Variants in SEL1L3 observed in about 807,000 individuals in gnomAD.
The protein encoded by SEL1L3 is protein sel-1 homolog 3.
In SEL1L3, 76 loss-of-function variants were observed where a neutral mutation model predicts 142.8. The observed-to-expected ratio is 0.53, with a 90% CI of 0.44 to 0.64. The LOEUF (loss-of-function observed/expected upper bound fraction) is 0.64, where lower values mean the gene tolerates loss of function less well. Ranked by LOEUF, SEL1L3 falls within the 30% of genes least tolerant of loss-of-function variation. The probability of loss-of-function intolerance (pLI) is 0.00; values close to 1 mark genes in which losing one functional copy is unlikely to be tolerated. For synonymous variants in SEL1L3, 504 were observed against 519.6 expected (o/e 0.97, Z 0.41); for missense variants, 1,262 against 1,381.7 (o/e 0.91, Z 1.37).
At chr4:25,809,787 A>G (rs1439555406) in intron 9 of SEL1L3, among the ~76,000 whole-genome samples, 1 of 152,232 alleles carries the variant, frequency 6.6e-6, no homozygotes, top group Non-Finnish European at 1.5e-5. Flanking sequence ...GGTAATAAAG[A>G]TGATGGTTCT....
At chr4:25,718,461 T>A in the SEL1L3 span, 3 of 152,182 alleles carry the variant, frequency 2.0e-5, no homozygotes, top group East Asian at 3.9e-4. Flanking sequence ...TTGAATTTGC[T>A]AGGCAGAATA....
chr4:25,799,717 G>A (rs945769319), intron 11 of SEL1L3, among the ~76,000 whole-genome samples: 21 of 152,200 alleles, frequency 1.4e-4, no homozygotes, highest in Admixed American at 1.2e-3. Flanking sequence ...ATGAACAATC[G>A]TGCCATCTGC....
chr4:25,852,397 C>T (rs1019097415), intron 1 of SEL1L3, among the ~76,000 whole-genome samples: 1 of 152,228 alleles, frequency 6.6e-6, no homozygotes, highest in African/African-American at 2.4e-5. Flanking sequence ...AATTCTGCTT[C>T]CACATGAATA....
Position 25,819,859 on chromosome 4 carries a change from C to T in SEL1L3, c.1372G>A (p.Val458Ile). ...TTTGCTGCAGATGCATACACAGATA[C>T]TATTTCTTGAACCTCAGCACACCTT... The part of the protein sequence containing the change: ...YERCAEVQEI[V>I]SVYASAAKHG... Residue 458 changes from valine (V) to isoleucine (I), a missense_variant, in exon 8 of 24, where the codon GTA becomes ATA. Around this residue, in one of 3 missense-constraint regions of SEL1L3, gnomAD observed 689 missense variants for 692.8 expected, o/e 0.99. Coordinates refer to ENST00000399878, the MANE Select transcript of SEL1L3 (RefSeq NM_015187.5). The T allele has an allele frequency of 4.3e-6, 7 of 1,613,694 alleles. No homozygotes were observed. Among genetic ancestry groups the T allele is most frequent in the Non-Finnish European group, 5.9e-6 (7 of 1,179,774 alleles).
At chr4:25,767,030 G>A (rs55851119) in intron 19 of SEL1L3, among the ~76,000 whole-genome samples, 7,987 of 152,234 alleles carry the variant, frequency 0.052, 215 homozygotes, top group Middle Eastern at 0.072. Context: ...AGTGGCTCAC[G>A]CCTGTAACCC....
Position 25,822,148 on chromosome 4 carries a change from A to G in SEL1L3, c.1158-20T>C. 5 of 1,613,646 alleles carry G rather than the reference A, an allele frequency of 3.1e-6. No homozygotes were observed. The African/African-American group carries it at 4.0e-5, about 13-fold the overall frequency. The stretch of plus-strand genomic sequence containing the variant: ...CGGAAGCTAGAGAAGAGAATGAAGG[A>G]TTAAGAGAGCTCCATGCCGGAACTA... On this transcript the variant is annotated intron_variant, in intron 6 of 23. Coordinates refer to ENST00000399878, the MANE Select transcript of SEL1L3 (RefSeq NM_015187.5).
At chr4:25,830,067 A>C (rs767652453) in intron 6 of SEL1L3, 31 bp downstream of exon 6, 3 of 1,513,798 alleles carry the variant, frequency 2.0e-6, no homozygotes, top group East Asian at 4.5e-5. Context: ...CATGCAGGCA[A>C]ATTTTGAATA....
chr4:25,730,756 C>T, the SEL1L3 span, among the ~76,000 whole-genome samples: 2 of 152,124 alleles, frequency 1.3e-5, no homozygotes, highest in South Asian at 2.1e-4. Flanking sequence ...CGGCCAGGCA[C>T]GGTGGCTCAC....
At chr4:25,762,254 A>T (rs946580681) in intron 20 of SEL1L3, among the ~76,000 whole-genome samples, 5 of 152,216 alleles carry the variant, frequency 3.3e-5, no homozygotes, top group Non-Finnish European at 5.9e-5. Context: ...CGGCCTCATA[A>T]AACCATTTAG....
At position 25,748,450 on chromosome 4, in the gene SEL1L3, G is replaced by GT; in HGVS notation, c.3373dup (p.Thr1125AsnfsTer2). The GT allele has an allele frequency of 6.2e-7, 1 of 1,611,452 alleles. No individual in the cohort carries two copies. The highest frequency in any genetic ancestry group is 1.1e-5 in the South Asian group (1 of 90,192). Reference sequence around the variant, plus strand: ...TCACCCACGTGGCTCCGGGTTATTAGTTACTGTGGGCTGGTCTTGGTCAGA... The same window carrying GT: ...TCACCCACGTGGCTCCGGGTTATTAGTTTACTGTGGGCTGGTCTTGGTCAGA... On this transcript the variant is annotated frameshift_variant, in exon 24 of 24. Coordinates refer to ENST00000399878, the MANE Select transcript of SEL1L3 (RefSeq NM_015187.5). LOFTEE classifies it high-confidence loss of function.
upstream of SEL1L3, chr4:25,863,342 C>A: frequency 1.6e-6 from 1 of 625,892 alleles, no homozygotes; most frequent in Non-Finnish European, 2.9e-6. Flanking sequence ...CTCCCAAACC[C>A]CCTCTCTTTT....
At chr4:25,767,153 G>A (rs1178459218) in intron 19 of SEL1L3, among the ~76,000 whole-genome samples, 1 of 152,046 alleles carries the variant, frequency 6.6e-6, no homozygotes, top group Non-Finnish European at 1.5e-5. Flanking sequence ...AATTAGCTGG[G>A]CGTGGTCGTG....
At chr4:25,748,682 C>T in intron 23 of SEL1L3, 118 bp from the exon 24 acceptor site, 17 of 1,024,058 alleles carry the variant, frequency 1.7e-5, no homozygotes, top group Non-Finnish European at 2.2e-5. Context: ...ATGAACCTGA[C>T]ACTAACTAGC....
chr4:25,732,241 C>T, the SEL1L3 span, among the ~76,000 whole-genome samples: 2 of 152,126 alleles, frequency 1.3e-5, no homozygotes, highest in Admixed American at 6.5e-5. Context: ...AATAAAAATA[C>T]AAGGCATCCA....
chr4:25,724,546 C>G, the SEL1L3 span, among the ~76,000 whole-genome samples: 1 of 151,520 alleles, frequency 6.6e-6, no homozygotes, highest in Non-Finnish European at 1.5e-5. Context: ...TCGAGACTAT[C>G]CTGGCTAACA....
At chr4:25,752,079 A>C (rs1050598440) in intron 23 of SEL1L3, among the ~76,000 whole-genome samples, 1 of 140,744 alleles carries the variant, frequency 7.1e-6, no homozygotes, top group Admixed American at 7.8e-5. Flanking sequence ...ACTGCACTCC[A>C]GCTTGGGCGA....
intron 12 of SEL1L3, among the ~76,000 whole-genome samples, chr4:25,789,989 C>T (rs1712180946): frequency 1.3e-5 from 2 of 152,208 alleles, no homozygotes; most frequent in South Asian, 4.1e-4. Context: ...TAGCTGAGTT[C>T]ATGGTCTTCT....
At chr4:25,791,095 A>C (rs11733161) in intron 11 of SEL1L3, among the ~76,000 whole-genome samples, 104,406 of 152,134 alleles carry the variant, frequency 0.69, 37,116 homozygotes, top group African/African-American at 0.88. Context: ...CACTTCGTGC[A>C]ACTGATTTCA....
At chr4:25,760,243 A>T (rs1443050417) in intron 20 of SEL1L3, among the ~76,000 whole-genome samples, 1 of 152,188 alleles carries the variant, frequency 6.6e-6, no homozygotes, top group Non-Finnish European at 1.5e-5. Flanking sequence ...CCTGCAAACG[A>T]CATGATGTCA....
Sources: allele counts gnomAD v4.1 joint callset (sites outside exome capture counted in the v4.1 genomes callset), GRCh38; gene constraint gnomAD v4.1.1; regional missense constraint gnomAD v4.1.1; transcripts MANE v1.5; gene names NCBI Gene and HGNC (gene_info 2026-07-23, HGNC 2026-07-21).